CUL1: variants seen among roughly 807,000 people sequenced by gnomAD.
The protein encoded by CUL1 is cullin-1.
Under a neutral mutation model 118.0 loss-of-function variants are expected in CUL1, and 24 were observed. The observed-to-expected ratio is 0.20, with a 90% CI of 0.15 to 0.29. CUL1 has a LOEUF of 0.29. CUL1 is among the 10% of genes least tolerant of loss of function. CUL1 has a pLI of 1.00. For synonymous variants in CUL1, 332 were observed against 340.4 expected (o/e 0.98, Z 0.27); for missense variants, 361 against 933.8 (o/e 0.39, Z 7.99).
intron 1 of CUL1, among the ~76,000 whole-genome samples, chr7:148,723,344 C>A (rs959886504): frequency 6.6e-6 from 1 of 152,154 alleles, no homozygotes; most frequent in African/African-American, 2.4e-5. Flanking sequence ...TGTGTAGGGC[C>A]ACCTTCTCTT....
At chr7:148,719,272 C>T (rs921382420) in intron 1 of CUL1, among the ~76,000 whole-genome samples, 1 of 151,806 alleles carries the variant, frequency 6.6e-6, no homozygotes, top group African/African-American at 2.4e-5. Context: ...GATTGCGCCA[C>T]TGCACTCCAG....
At chr7:148,773,489 C>T (rs1800289201) in intron 9 of CUL1, among the ~76,000 whole-genome samples, 1 of 152,166 alleles carries the variant, frequency 6.6e-6, no homozygotes, top group South Asian at 2.1e-4. Flanking sequence ...CCTGTCACTG[C>T]ACCATGGGTG....
At chr7:148,712,740 A>G (rs191658143) in intron 1 of CUL1, among the ~76,000 whole-genome samples, 30 of 152,322 alleles carry the variant, frequency 2.0e-4, no homozygotes, top group Non-Finnish European at 3.7e-4. Flanking sequence ...TCTAGTACAG[A>G]TGATGAAATA....
At position 148,800,460 on chromosome 7, in the gene CUL1, C is replaced by A. The variant is rs768650280; in HGVS notation, c.2251-42C>A. 4 of 1,525,142 alleles carry A rather than the reference C, an allele frequency of 2.6e-6. No individual in the cohort carries two copies. Among genetic ancestry groups the A allele is most frequent in the Non-Finnish European group, 2.7e-6 (3 of 1,100,416 alleles). The allele number at this position is 1,525,142 out of a possible 1,614,324, so 94.5% of individuals were successfully genotyped here. ...TGTTCTGATGATAATTTGTGTTTTT[C>A]TTCTCTTTCACTACCTCTTCCTTTT... is the stretch of plus-strand genomic sequence containing the variant. On this transcript the variant is annotated intron_variant, in intron 21 of 21. Transcript: ENST00000325222. The surrounding 1 kb of genome is among the most constrained non-coding windows in gnomAD (Gnocchi z 4.6).
chr7:148,700,999 T>G (rs1797703762), intron 1 of CUL1, among the ~76,000 whole-genome samples: 2 of 152,144 alleles, frequency 1.3e-5, no homozygotes, highest in African/African-American at 4.8e-5. Context: ...ACTTACTGAA[T>G]ATTATCTTCT....
chr7:148,753,368 C>A (rs971450501), intron 2 of CUL1, among the ~76,000 whole-genome samples: 2 of 152,222 alleles, frequency 1.3e-5, no homozygotes, highest in African/African-American at 4.8e-5. Context: ...TCTCTGCGCT[C>A]CCCCTGCAGA....
At chr7:148,772,022 G>C (rs1800228766) in intron 9 of CUL1, among the ~76,000 whole-genome samples, 1 of 152,170 alleles carries the variant, frequency 6.6e-6, no homozygotes, top group South Asian at 2.1e-4. Flanking sequence ...CTCCTGCTTA[G>C]AATGGCTCAC....
At chr7:148,724,930 A>C (rs1210751331) in intron 1 of CUL1, among the ~76,000 whole-genome samples, 1 of 152,074 alleles carries the variant, frequency 6.6e-6, no homozygotes, top group East Asian at 1.9e-4. Flanking sequence ...TTATGAGGAA[A>C]ATATTTTTAC....
chr7:148,762,093 G>A (rs78060472), intron 7 of CUL1, among the ~76,000 whole-genome samples: 8 of 152,326 alleles, frequency 5.3e-5, no homozygotes, highest in Non-Finnish European at 8.8e-5. Flanking sequence ...CACAGCCAGC[G>A]ATTGAGGATC....
chr7:148,794,799 T>G (rs142421840), intron 17 of CUL1, among the ~76,000 whole-genome samples: 19 of 152,362 alleles, frequency 1.2e-4, no homozygotes, highest in African/African-American at 3.8e-4. Context: ...TATTCCTAGT[T>G]TATTCTTTTT....
intron 1 of CUL1, among the ~76,000 whole-genome samples, chr7:148,729,413 T>G (rs1798684345): frequency 6.6e-6 from 1 of 152,182 alleles, no homozygotes; most frequent in African/African-American, 2.4e-5. Flanking sequence ...CTCTCTGAAT[T>G]CAGAGTACAT....
chr7:148,710,985 T>C (rs1341581492), intron 1 of CUL1, among the ~76,000 whole-genome samples: 1 of 151,996 alleles, frequency 6.6e-6, no homozygotes, highest in Non-Finnish European at 1.5e-5. Context: ...TCTCCTTTAT[T>C]ATAGGTATGG....
chr7:148,700,654 T>A (rs1017254623), intron 1 of CUL1, among the ~76,000 whole-genome samples: 5 of 152,230 alleles, frequency 3.3e-5, no homozygotes, highest in Admixed American at 6.5e-5. Flanking sequence ...ACTGGCTCGC[T>A]TTAACTCTAT....
chr7:148,743,674 C>T (rs1457308557), intron 2 of CUL1, among the ~76,000 whole-genome samples: 1 of 148,698 alleles, frequency 6.7e-6, no homozygotes, highest in Non-Finnish European at 1.5e-5. Context: ...GAGGCCAAGG[C>T]GGGCAGATCG....
At chr7:148,727,959 A>G (rs1798640772) in intron 1 of CUL1, among the ~76,000 whole-genome samples, 1 of 152,134 alleles carries the variant, frequency 6.6e-6, no homozygotes, top group African/African-American at 2.4e-5. Context: ...CCGTCTTAGG[A>G]TGACAGCGAT....
intron 2 of CUL1, among the ~76,000 whole-genome samples, chr7:148,743,683 C>G (rs371328840): frequency 7.4e-5 from 11 of 148,782 alleles, no homozygotes; most frequent in African/African-American, 2.9e-4. Context: ...GCGGGCAGAT[C>G]GCCGGAGGCC....
At chr7:148,760,136 T>A (rs1799787144) in intron 6 of CUL1, among the ~76,000 whole-genome samples, 197 bp from the exon 7 acceptor site, 1 of 152,232 alleles carries the variant, frequency 6.6e-6, no homozygotes, top group African/African-American at 2.4e-5. Context: ...TTGCTTTTTA[T>A]ACGTCTTGGA....
chr7:148,706,040 T>C (rs1422230969), intron 1 of CUL1, among the ~76,000 whole-genome samples: 2 of 152,166 alleles, frequency 1.3e-5, no homozygotes, highest in African/African-American at 4.8e-5. Flanking sequence ...CCCGACCTCA[T>C]GTGATGGGCC....
rs1441407996 is a variant in CUL1, at chr7:148,741,390, C to T, written c.140+11128C>T. Among the ~76,000 whole-genome samples the T allele has an allele frequency of 3.3e-5, 5 of 152,222 alleles. No homozygotes were observed. In the East Asian group the frequency reaches 9.6e-4, roughly 29 times the overall value. ...CAGCAGTGTATGAGGGTTCCAGTTTCTCCACATTCTGGCCAACACTTGTTG... is the reference window on the plus strand; with the variant it reads ...CAGCAGTGTATGAGGGTTCCAGTTTTTCCACATTCTGGCCAACACTTGTTG... On this transcript the variant is annotated intron_variant, in intron 2 of 21. Transcript: ENST00000325222.
Sources: gnomAD v4.1 joint callset for allele counts (sites outside exome capture counted in the v4.1 genomes callset) on GRCh38, gnomAD v4.1.1 for gene constraint, Gnocchi (gnomAD v3.1) non-coding constraint, MANE v1.5 for transcripts, NCBI Gene and HGNC (gene_info 2026-07-23, HGNC 2026-07-21) for gene names.